KIF21A: variants seen among roughly 807,000 people sequenced by gnomAD.
KIF21A encodes the protein kinesin-like protein KIF21A.
Under a neutral mutation model 202.9 loss-of-function variants are expected in KIF21A, and 114 were observed. The observed-to-expected ratio is 0.56, with a 90% CI of 0.48 to 0.66. KIF21A has a LOEUF of 0.66. Among genes scored for constraint, KIF21A ranks in the 30% least tolerant of loss-of-function variants. The probability of loss-of-function intolerance (pLI) is 0.00; values close to 1 mark genes in which losing one functional copy is unlikely to be tolerated. For synonymous variants in KIF21A, 667 were observed against 670.8 expected (o/e 0.99, Z 0.09); for missense variants, 1,677 against 1,994.9 (o/e 0.84, Z 3.04).
intron 1 of KIF21A, among the ~76,000 whole-genome samples, chr12:39,437,582 C>T (rs1280805593): frequency 2.0e-5 from 3 of 152,066 alleles, no homozygotes; most frequent in South Asian, 2.1e-4. Context: ...AACTAAAAAA[C>T]GTCATTGAGA....
intron 11 of KIF21A, among the ~76,000 whole-genome samples, chr12:39,347,297 G>T (rs1013630071): frequency 1.3e-5 from 2 of 151,216 alleles, no homozygotes; most frequent in African/African-American, 4.8e-5. Flanking sequence ...TGTTTTTTAA[G>T]AAACATATAA....
chr12:39,305,848 A>G (rs1417003315), intron 34 of KIF21A, among the ~76,000 whole-genome samples: 1 of 152,258 alleles, frequency 6.6e-6, no homozygotes, highest in Non-Finnish European at 1.5e-5. Flanking sequence ...CAATACTGAG[A>G]AAGTAAAATT....
At chr12:39,317,104 C>T (rs550444386) in intron 29 of KIF21A, among the ~76,000 whole-genome samples, 1 of 152,076 alleles carries the variant, frequency 6.6e-6, no homozygotes, top group East Asian at 1.9e-4. Flanking sequence ...ATTTACCTAC[C>T]TAGATCAATG....
chr12:39,377,227 T>C (rs1950324925), intron 1 of KIF21A, among the ~76,000 whole-genome samples: 1 of 152,194 alleles, frequency 6.6e-6, no homozygotes, highest in Admixed American at 6.5e-5. Context: ...CTATCCTCTG[T>C]ACAGGTCTTT....
intron 31 of KIF21A, 127 bp from the exon 32 acceptor site, chr12:39,311,680 G>A (rs1439409967): frequency 4.6e-5 from 41 of 894,200 alleles, no homozygotes; most frequent in South Asian, 4.1e-4. Context: ...ATAAAATCCA[G>A]ACTGCTCTCT....
At chr12:39,378,073 C>T (rs922217977) in intron 1 of KIF21A, among the ~76,000 whole-genome samples, 1 of 152,158 alleles carries the variant, frequency 6.6e-6, no homozygotes, top group African/African-American at 2.4e-5. Context: ...CTAGACTACA[C>T]TACTCAGTCT....
chr12:39,343,343 G>C (rs537130484), intron 12 of KIF21A, among the ~76,000 whole-genome samples: 1 of 152,082 alleles, frequency 6.6e-6, no homozygotes, highest in East Asian at 1.9e-4. Context: ...CCGGGCAACA[G>C]AGCGAGACTC....
chr12:39,395,486 A>T (rs944751028), intron 1 of KIF21A, among the ~76,000 whole-genome samples: 1 of 151,870 alleles, frequency 6.6e-6, no homozygotes, highest in African/African-American at 2.4e-5. Flanking sequence ...ATTTTCATTT[A>T]TCTGTCTAGC....
At chr12:39,427,766 C>T (rs1345827760) in intron 1 of KIF21A, among the ~76,000 whole-genome samples, 2 of 152,194 alleles carry the variant, frequency 1.3e-5, no homozygotes, top group African/African-American at 4.8e-5. Context: ...TCAAGCAATT[C>T]TCCTGTCTCA....
chr12:39,414,632 T>C (rs1418590689), intron 1 of KIF21A, among the ~76,000 whole-genome samples: 3 of 152,108 alleles, frequency 2.0e-5, no homozygotes, highest in African/African-American at 4.8e-5. Flanking sequence ...GGTCTAGCAG[T>C]AGGCAGAGAA....
intron 29 of KIF21A, among the ~76,000 whole-genome samples, chr12:39,317,053 GACA>G: frequency 6.6e-6 from 1 of 152,072 alleles, no homozygotes; most frequent in South Asian, 2.1e-4. Flanking sequence ...GAAATAATTT[GACA>G]ATGTTAAAGA....
intron 31 of KIF21A, 186 bp from the exon 32 acceptor site, chr12:39,311,739 C>G (rs1944055897): frequency 1.6e-6 from 1 of 617,462 alleles, no homozygotes; most frequent in South Asian, 1.9e-5. Flanking sequence ...TGGAGTATAT[C>G]AACTAATCAG....
At position 39,295,692 on chromosome 12, in the gene KIF21A, GTTTTTTTTTTTTTT is replaced by G. The variant is rs1054983568; in HGVS notation, c.4932-1189_4932-1176del. Among the ~76,000 whole-genome samples the G allele has an allele frequency of 1.0e-4, 8 of 78,130 alleles. No individual in the cohort carries two copies. The East Asian group carries it at 1.4e-3, about 14-fold the overall frequency. The allele number at this position is 78,130 out of a possible 152,430, so 51.3% of individuals were successfully genotyped here. On this transcript the variant is annotated intron_variant, in intron 37 of 37. Coordinates refer to ENST00000361418, the MANE Select transcript of KIF21A (RefSeq NM_001173464.2). ...TACATGCCAAGCATGCTTGGGATAT[GTTTTTTTTTTTTTT>G]TTTTTTTTTTTTTGACAGAATCTCG...
chr12:39,396,681 G>A (rs1951784310), intron 1 of KIF21A, among the ~76,000 whole-genome samples: 1 of 152,204 alleles, frequency 6.6e-6, no homozygotes, highest in South Asian at 2.1e-4. Context: ...GTCAAGCCAG[G>A]AGAGACGAAG....
chr12:39,419,896 G>C (rs991883915), intron 1 of KIF21A, among the ~76,000 whole-genome samples: 1 of 152,032 alleles, frequency 6.6e-6, no homozygotes, highest in Non-Finnish European at 1.5e-5. Context: ...CAGAACTCAA[G>C]CACATCCCAT....
At chr12:39,374,303 G>A (rs1370737163) in intron 1 of KIF21A, among the ~76,000 whole-genome samples, 4 of 151,782 alleles carry the variant, frequency 2.6e-5, no homozygotes, top group Admixed American at 2.6e-4. Context: ...TTACAACTTT[G>A]GATATTTTGA....
rs1241096457 is a variant in KIF21A at position 39,331,758 on chromosome 12, T to C, written c.3085A>G (p.Ile1029Val). 1 of 1,613,532 alleles carries C rather than the reference T, an allele frequency of 6.2e-7. No homozygotes were observed. The highest frequency in any genetic ancestry group is 8.5e-7 in the Non-Finnish European group (1 of 1,179,516). The change falls in exon 22 of 38, where the codon ATT becomes GTT. Residue 1029 changes from isoleucine to valine, a missense_variant. Ile to Val is a conservative substitution (Grantham distance 29). This residue lies in a region of KIF21A where 705 missense variants were observed against 791.9 expected (regional missense o/e 0.89). Coordinates refer to ENST00000361418, the MANE Select transcript of KIF21A (RefSeq NM_001173464.2). ...GCTTCTGTAAGGGTGCAGGCATTAA[T>C]GACTGCAGTAACATCCAATGTCTCA... ...EGETLDVTAV[I>V]NACTLTEARY... is the part of the protein sequence containing the mutation.
chr12:39,340,391 TG>T, intron 15 of KIF21A, 27 bp from the exon 16 acceptor site: 1 of 1,527,174 alleles, frequency 6.5e-7, no homozygotes, highest in Non-Finnish European at 9.0e-7. Context: ...CATTTTTATA[TG>T]TTTTTTTGTG....
intron 17 of KIF21A, among the ~76,000 whole-genome samples, chr12:39,334,577 TATC>T (rs1325219722): frequency 1.3e-5 from 2 of 152,188 alleles, no homozygotes; most frequent in African/African-American, 4.8e-5. Flanking sequence ...AAATTAAAAT[TATC>T]ATATAGTTTC....
Sources: gnomAD v4.1 joint callset for allele counts (sites outside exome capture counted in the v4.1 genomes callset) on GRCh38, gnomAD v4.1.1 for gene constraint, gnomAD v4.1.1 regional missense constraint, MANE v1.5 for transcripts, NCBI Gene and HGNC (gene_info 2026-07-23, HGNC 2026-07-21) for gene names.